The following KATNAL1 variants were observed in gnomAD, a reference collection of about 807,000 sequenced individuals.
The protein encoded by KATNAL1 is katanin catalytic subunit A1 like 1.
Under a neutral mutation model 55.2 loss-of-function variants are expected in KATNAL1, and 32 were observed. That is an observed-to-expected ratio of 0.58 (90% CI 0.44 to 0.78). The LOEUF (loss-of-function observed/expected upper bound fraction) is 0.78, where lower values mean the gene tolerates loss of function less well. Among genes scored for constraint, KATNAL1 ranks in the 30% least tolerant of loss-of-function variants. The pLI, the probability that KATNAL1 is intolerant of heterozygous loss-of-function variation, is 0.00. For synonymous variants in KATNAL1, 193 were observed against 193.6 expected (o/e 1.00, Z 0.02); for missense variants, 466 against 600.9 (o/e 0.78, Z 2.35).
At chr13:30,297,129 T>G (rs1593187432) in intron 1 of KATNAL1, among the ~76,000 whole-genome samples, 1 of 135,088 alleles carries the variant, frequency 7.4e-6, no homozygotes, top group Non-Finnish European at 1.6e-5. Flanking sequence ...GGTGACAGAG[T>G]GAGACCCTGC....
At chr13:30,234,785 T>A (rs547131383) in intron 6 of KATNAL1, among the ~76,000 whole-genome samples, 1 of 152,376 alleles carries the variant, frequency 6.6e-6, no homozygotes, top group African/African-American at 2.4e-5. Flanking sequence ...CAGTTCCCTG[T>A]ACCCTGTATA....
At position 30,208,322 on chromosome 13, in the gene KATNAL1, G is replaced by A. The variant is rs566360133; in HGVS notation, c.*218C>T. The stretch of plus-strand genomic sequence containing the variant: ...GTGTGCAATATTAATGCAGGAATAC[G>A]TGGAATACCAGCACAAAGCCGGGGA... On this transcript the variant is annotated 3_prime_UTR_variant, in exon 11 of 11. Coordinates refer to ENST00000380615, the MANE Select transcript of KATNAL1 (RefSeq NM_032116.5). The A allele has an allele frequency of 2.5e-4, 118 of 470,476 alleles. No homozygotes were observed. In the South Asian group the frequency reaches 3.6e-3, roughly 14 times the overall value. 29.1% of individuals were successfully genotyped at this position (470,476 alleles called of 1,614,324 possible).
At chr13:30,256,979 T>C (rs1376872974) in intron 3 of KATNAL1, among the ~76,000 whole-genome samples, 2 of 152,206 alleles carry the variant, frequency 1.3e-5, no homozygotes, top group Admixed American at 6.5e-5. Flanking sequence ...GGAAAGCAAC[T>C]ACAAAATAGT....
At chr13:30,305,656 T>C (rs1200202161) in intron 1 of KATNAL1, among the ~76,000 whole-genome samples, 1 of 152,236 alleles carries the variant, frequency 6.6e-6, no homozygotes, top group African/African-American at 2.4e-5. Context: ...AGGAGTTGCA[T>C]GCAAAATACT....
In KATNAL1 at chr13:30,227,840, G is replaced by A. The variant is rs558023896; in HGVS notation, c.1013-294C>T. On this transcript the variant is annotated intron_variant, in intron 8 of 10. Coordinates refer to ENST00000380615, the MANE Select transcript of KATNAL1 (RefSeq NM_032116.5). ...TCCATTTTTCTGTAAGAAAATGAAT[G>A]TATTTTCCTCCTAAAAGAAAAGGTA... is the stretch of plus-strand genomic sequence containing the variant. Among the ~76,000 whole-genome samples, 255 of 151,310 alleles carry A rather than the reference G, an allele frequency of 1.7e-3. 1 individual carries two copies. Among genetic ancestry groups the A allele is most frequent in the African/African-American group, 5.8e-3 (237 of 41,130 alleles).
chr13:30,294,341 T>A (rs949827165), intron 1 of KATNAL1, among the ~76,000 whole-genome samples: 1 of 152,188 alleles, frequency 6.6e-6, no homozygotes, highest in African/African-American at 2.4e-5. Flanking sequence ...ATATGAATGA[T>A]GAGAAAGCAA....
intron 1 of KATNAL1, among the ~76,000 whole-genome samples, chr13:30,287,107 T>C (rs1233475998): frequency 6.6e-6 from 1 of 152,256 alleles, no homozygotes; most frequent in African/African-American, 2.4e-5. Flanking sequence ...ACTTTGGATT[T>C]GGACTTTTGA....
chr13:30,243,933 C>T (rs964905086), intron 4 of KATNAL1, among the ~76,000 whole-genome samples: 4 of 151,922 alleles, frequency 2.6e-5, no homozygotes, highest in African/African-American at 9.7e-5. Flanking sequence ...CATTATTTTT[C>T]TTTTTTTTAA....
intron 8 of KATNAL1, among the ~76,000 whole-genome samples, chr13:30,228,841 C>T (rs1266825484): frequency 1.4e-4 from 21 of 152,250 alleles, no homozygotes; most frequent in Admixed American, 1.4e-3. Flanking sequence ...TGGCCTCAAA[C>T]TCCTGCGCTC....
intron 10 of KATNAL1, among the ~76,000 whole-genome samples, chr13:30,209,763 C>T (rs975323775): frequency 2.0e-5 from 3 of 152,144 alleles, no homozygotes; most frequent in Admixed American, 2.0e-4. Context: ...TCATTATTAT[C>T]GAGTTAGACA....
intron 3 of KATNAL1, among the ~76,000 whole-genome samples, chr13:30,260,557 G>A (rs1879190872): frequency 6.6e-6 from 1 of 152,184 alleles, no homozygotes; most frequent in Non-Finnish European, 1.5e-5. Context: ...CAAGGCTCGA[G>A]AACTACGCAA....
chr13:30,216,897 G>A (rs770745882), intron 9 of KATNAL1, among the ~76,000 whole-genome samples: 6 of 152,216 alleles, frequency 3.9e-5, no homozygotes, highest in Admixed American at 6.5e-5. Context: ...TAAATCAAAC[G>A]TTTCACTGTG....
chr13:30,292,367 AT>A (rs200715363), intron 1 of KATNAL1, among the ~76,000 whole-genome samples: 3,954 of 146,394 alleles, frequency 0.027, 106 homozygotes, highest in East Asian at 0.085. Flanking sequence ...AACCCAAGGT[AT>A]TTTTTTTTTT....
At chr13:30,218,227 T>TATATATATATATATATA (rs1555258842) in intron 9 of KATNAL1, among the ~76,000 whole-genome samples, 1 of 145,266 alleles carries the variant, frequency 6.9e-6, no homozygotes, top group African/African-American at 2.6e-5. Context: ...TATATATATA[T>TATATATATATATATATA]AAAGGACCTG....
chr13:30,220,499 A>G (rs1366845405), intron 9 of KATNAL1, among the ~76,000 whole-genome samples: 1 of 152,144 alleles, frequency 6.6e-6, no homozygotes, highest in Non-Finnish European at 1.5e-5. Flanking sequence ...GAAGAGAAAA[A>G]GAATGGGAAG....
intron 9 of KATNAL1, among the ~76,000 whole-genome samples, chr13:30,211,067 G>A (rs955340944): frequency 2.0e-5 from 3 of 152,146 alleles, no homozygotes; most frequent in African/African-American, 7.2e-5. Flanking sequence ...AACCAATCAT[G>A]CTTGCCATTT....
At chr13:30,237,291 G>A (rs1448251434) in intron 6 of KATNAL1, among the ~76,000 whole-genome samples, 3 of 152,092 alleles carry the variant, frequency 2.0e-5, no homozygotes, top group Non-Finnish European at 4.4e-5. Context: ...AAAAAAAGTC[G>A]AATCTGTCAG....
chr13:30,273,343 A>T (rs9315002), intron 3 of KATNAL1, among the ~76,000 whole-genome samples: 32,395 of 152,132 alleles, frequency 0.21, 3,745 homozygotes, highest in East Asian at 0.3. Flanking sequence ...AAACTGTGCA[A>T]CAAGGCCACC....
chr13:30,274,990 C>T (rs1880734248), intron 3 of KATNAL1, among the ~76,000 whole-genome samples: 1 of 150,542 alleles, frequency 6.6e-6, no homozygotes, highest in Non-Finnish European at 1.5e-5. Flanking sequence ...GAAATCCTAC[C>T]ATTTCCTTGT....
Sources: gnomAD v4.1 joint callset for allele counts (sites outside exome capture counted in the v4.1 genomes callset) on GRCh38, gnomAD v4.1.1 for gene constraint, MANE v1.5 for transcripts, NCBI Gene and HGNC (gene_info 2026-07-23, HGNC 2026-07-21) for gene names.